PTH2R: variants seen among roughly 807,000 people sequenced by gnomAD.
PTH2R encodes the protein PTH2 receptor.
PTH2R carries 59 observed loss-of-function variants against 60.3 expected under a neutral mutation model. The observed-to-expected ratio is 0.98, with a 90% CI of 0.79 to 1.22. The LOEUF (loss-of-function observed/expected upper bound fraction) is 1.22, where lower values mean the gene tolerates loss of function less well. PTH2R is among the 50% of genes most tolerant of loss of function. The probability of loss-of-function intolerance (pLI) is 0.00; values close to 1 mark genes in which losing one functional copy is unlikely to be tolerated. For synonymous variants in PTH2R, 256 were observed against 243.8 expected, an observed-to-expected ratio of 1.05 and a Z score of -0.47; for missense variants, 749 against 682.6, an observed-to-expected ratio of 1.10 and a Z score of -1.08.
At chr2:208,378,398 G>A (rs6736496) in intron 1 of PTH2R, among the ~76,000 whole-genome samples, 5,045 of 152,144 alleles carry the variant, frequency 0.033, 109 homozygotes, top group Middle Eastern at 0.058. Context: ...GGGAGAGGGA[G>A]AGGGAGAGAA....
At chr2:208,423,829 A>T (rs1701803111) in intron 1 of PTH2R, among the ~76,000 whole-genome samples, 1 of 152,086 alleles carries the variant, frequency 6.6e-6, no homozygotes, top group Admixed American at 6.5e-5. Context: ...TGACCCTTGT[A>T]TTATGATATA....
At chr2:208,428,343 A>G in intron 2 of PTH2R, 40 bp downstream of exon 2, 1 of 1,375,638 alleles carries the variant, frequency 7.3e-7, no homozygotes, top group Non-Finnish European at 1.0e-6. Flanking sequence ...TGTGCCTCCT[A>G]TCTGTTCTTA....
intron 10 of PTH2R, 23 bp downstream of exon 10, chr2:208,481,187 T>G: frequency 6.8e-7 from 1 of 1,464,710 alleles, no homozygotes; most frequent in Non-Finnish European, 9.4e-7. Context: ...GAGGCATCCA[T>G]CAGAGGAAAT....
At chr2:208,405,602 C>T (rs945656522), upstream of PTH2R, among the ~76,000 whole-genome samples, 5 of 152,322 alleles carry the variant, frequency 3.3e-5, no homozygotes, top group Admixed American at 6.5e-5. Flanking sequence ...ACAATGCTAA[C>T]GATACTAGCT....
chr2:208,405,843 A>G (rs1218399244), upstream of PTH2R, among the ~76,000 whole-genome samples: 1 of 152,216 alleles, frequency 6.6e-6, no homozygotes, highest in East Asian at 1.9e-4. Context: ...AAAATCCCTC[A>G]TCCCTTCTGC....
intron 1 of PTH2R, among the ~76,000 whole-genome samples, chr2:208,411,646 T>C (rs1473680672): frequency 6.6e-6 from 1 of 152,234 alleles, no homozygotes; most frequent in African/African-American, 2.4e-5. Flanking sequence ...TGAACTTCAA[T>C]TGGTTTTGTC....
chr2:208,384,616 A>C (rs1345793229), intron 1 of PTH2R, among the ~76,000 whole-genome samples: 1 of 152,194 alleles, frequency 6.6e-6, no homozygotes, highest in Non-Finnish European at 1.5e-5. Flanking sequence ...TTCTTTTGAG[A>C]ATTTTTTTTC....
chr2:208,493,193 A>G (rs1444464839), intron 12 of PTH2R, 71 bp from the exon 13 acceptor site: 3 of 1,376,118 alleles, frequency 2.2e-6, no homozygotes, highest in Admixed American at 5.5e-5. Flanking sequence ...AATCAAGGCA[A>G]ACATCTTTGT....
chr2:208,466,142 A>T (rs1191507793), intron 9 of PTH2R: 1 of 152,244 alleles, frequency 6.6e-6, no homozygotes, highest in Non-Finnish European at 1.5e-5. Context: ...GGGCAGCGGC[A>T]GGGGGAATCT....
intron 5 of PTH2R, among the ~76,000 whole-genome samples, chr2:208,442,713 A>G (rs1702211264): frequency 6.6e-6 from 1 of 152,222 alleles, no homozygotes; most frequent in Non-Finnish European, 1.5e-5. Context: ...TATTTGTTGC[A>G]AAGTAAGACA....
At position 208,407,094 on chromosome 2, in the gene PTH2R, C is replaced by T; in HGVS notation, c.51C>T (p.Gly17=). The T allele has an allele frequency of 7.2e-7, 1 of 1,394,472 alleles. No individual in the cohort carries two copies. Among genetic ancestry groups the T allele is most frequent in the South Asian group, 1.9e-5 (1 of 53,702 alleles). The allele number at this position is 1,394,472 out of a possible 1,614,324, so 86.4% of individuals were successfully genotyped here. ...SLHVWGWLML[G]SCLLARAQLD... ...ACGTCTGGGGTTGGCTAATGCTCGG[C>T]AGCTGCCTCCTGGCCAGAGCCCAGG... is the stretch of plus-strand genomic sequence containing the variant. Residue 17 remains glycine, a synonymous_variant, in exon 1 of 13, where the codon GGC becomes GGT. Coordinates refer to ENST00000272847, the MANE Select transcript of PTH2R (RefSeq NM_005048.4).
At chr2:208,388,131 A>AACC (rs1701036391) in intron 1 of PTH2R, among the ~76,000 whole-genome samples, 1 of 19,266 alleles carries the variant, frequency 5.2e-5, no homozygotes, top group Non-Finnish European at 1.2e-4. Flanking sequence ...AACATGGTGA[A>AACC]ACCCCCCCCC....
intron 4 of PTH2R, among the ~76,000 whole-genome samples, chr2:208,439,616 T>C (rs1702143725): frequency 6.6e-6 from 1 of 152,078 alleles, no homozygotes; most frequent in South Asian, 2.1e-4. Flanking sequence ...GCACTATTTT[T>C]TTCTCTAAAT....
At position 208,489,066 on chromosome 2, in the gene PTH2R, C is replaced by T. The variant is rs769038542; in HGVS notation, c.1131C>T (p.Ile377=). Residue 377 remains isoleucine, a synonymous_variant, in exon 11 of 13, where the codon ATC becomes ATT. Transcript: ENST00000272847. ...VLVLVFGVHY[I]VFVCLPHSFT... The stretch of plus-strand genomic sequence containing the variant: ...TCCTAGTCTTTGGAGTGCATTACAT[C>T]GTGTTCGTATGCCTGCCTCACTCCT... The T allele has an allele frequency of 8.1e-6, 13 of 1,613,948 alleles. No individual in the cohort carries two copies. The South Asian group carries it at 8.8e-5, about 11-fold the overall frequency.
chr2:208,388,136 C>A (rs1411558707), intron 1 of PTH2R, among the ~76,000 whole-genome samples: 2 of 149,114 alleles, frequency 1.3e-5, no homozygotes, highest in Admixed American at 6.7e-5. Flanking sequence ...GGTGAAACCC[C>A]CCCCCCCGTC....
chr2:208,373,170 A>G (rs1187791113), intron 1 of PTH2R, among the ~76,000 whole-genome samples: 1 of 152,160 alleles, frequency 6.6e-6, no homozygotes, highest in Non-Finnish European at 1.5e-5. Context: ...AAGAAAAATA[A>G]GTAGAGAGCT....
chr2:208,450,898 T>C (rs564068018), intron 8 of PTH2R, 89 bp downstream of exon 8: 1 of 1,409,950 alleles, frequency 7.1e-7, no homozygotes, highest in Non-Finnish European at 1.0e-6. Flanking sequence ...CTTCTGTTCT[T>C]GATGCCATTG....
intron 8 of PTH2R, 82 bp from the exon 9 acceptor site, chr2:208,459,813 T>G: frequency 8.5e-7 from 1 of 1,182,412 alleles, no homozygotes; most frequent in Non-Finnish European, 1.2e-6. Flanking sequence ...GGTTGGAGTT[T>G]TTGGTAAAAC....
intron 4 of PTH2R, 93 bp from the exon 5 acceptor site, chr2:208,442,271 T>C (rs1422947223): frequency 1.1e-6 from 1 of 934,378 alleles, no homozygotes; most frequent in Non-Finnish European, 1.7e-6. Flanking sequence ...TAAAGAGAAT[T>C]AGAAATAAGA....
Sources: gnomAD v4.1 joint callset for allele counts (sites outside exome capture counted in the v4.1 genomes callset) on GRCh38, gnomAD v4.1.1 for gene constraint, MANE v1.5 for transcripts, NCBI Gene and HGNC (gene_info 2026-07-23, HGNC 2026-07-21) for gene names.